SMARCA2: variants seen among roughly 807,000 people sequenced by gnomAD.
SMARCA2 encodes SWI/SNF related BAF chromatin remodeling complex subunit ATPase 2, also known as SWI/SNF-related matrix-associated actin-dependent regulator of chromatin subfamily A member 2.
SMARCA2 carries 61 observed loss-of-function variants against 199.8 expected under a neutral mutation model. The ratio of observed to expected loss-of-function variants is 0.31; its 90% CI spans 0.25 to 0.38. SMARCA2 has a LOEUF of 0.38. SMARCA2 is among the 10% of genes least tolerant of loss of function. The probability of loss-of-function intolerance (pLI) is 1.00; values close to 1 mark genes in which losing one functional copy is unlikely to be tolerated. For synonymous variants in SMARCA2, 935 were observed against 732.0 expected, an observed-to-expected ratio of 1.28 and a Z score of -4.48; for missense variants, 1,344 against 2,012.2, an observed-to-expected ratio of 0.67 and a Z score of 6.35.
At chr9:2,076,808 C>T (rs1332630915) in intron 13 of SMARCA2, among the ~76,000 whole-genome samples, 2 of 152,168 alleles carry the variant, frequency 1.3e-5, no homozygotes, top group Non-Finnish European at 2.9e-5. Flanking sequence ...CGCCCAGTCC[C>T]TGAACCCTCT....
intron 3 of SMARCA2, among the ~76,000 whole-genome samples, chr9:2,034,771 G>A (rs1819248013): frequency 6.6e-6 from 1 of 152,118 alleles, no homozygotes; most frequent in Admixed American, 6.5e-5. Context: ...TATTTGAACA[G>A]GCTTTTGAAC....
Position 2,119,729 on chromosome 9 carries a change from A to C in SMARCA2, c.3762+194A>C, listed in dbSNP as rs7858821. 0.046 allele frequency among the ~76,000 whole-genome samples: 6,972 copies of C among 152,246 alleles called. 515 individuals carry two copies. Among genetic ancestry groups the C allele is most frequent in the African/African-American group, 0.16 (6,604 of 41,512 alleles). On this transcript the variant is annotated intron_variant, in intron 26 of 33. Transcript: ENST00000349721. This position sits in a 1 kb window ranked among gnomAD's most constrained non-coding sequence, Gnocchi z 4.6. ...TTGTTTGGCCCACGCAGCGTTTTTT[A>C]AAATTTCCCATTCATTGCCAACATA...
chr9:2,135,115 A>C (rs1824136996), intron 27 of SMARCA2, among the ~76,000 whole-genome samples: 1 of 152,208 alleles, frequency 6.6e-6, no homozygotes, highest in Admixed American at 6.5e-5. Context: ...AGTCTGAAGG[A>C]CTGAGAACCA....
At chr9:2,125,992 A>G (rs1823675368) in intron 27 of SMARCA2, among the ~76,000 whole-genome samples, 1 of 152,192 alleles carries the variant, frequency 6.6e-6, no homozygotes, top group Non-Finnish European at 1.5e-5. Flanking sequence ...TTTTTCATTC[A>G]GTTTCTATCC....
At chr9:2,037,992 AT>A (rs1382575385) in intron 3 of SMARCA2, among the ~76,000 whole-genome samples, 2 of 152,008 alleles carry the variant, frequency 1.3e-5, no homozygotes, top group Non-Finnish European at 2.9e-5. Context: ...GTGCATTTTG[AT>A]TTTTCTTCCC....
At chr9:2,182,928 T>C (rs943640479) in intron 31 of SMARCA2, among the ~76,000 whole-genome samples, 5 of 152,116 alleles carry the variant, frequency 3.3e-5, no homozygotes, top group Non-Finnish European at 7.4e-5. Context: ...GTAGCTGGGA[T>C]TACAGGCATG....
intron 27 of SMARCA2, among the ~76,000 whole-genome samples, chr9:2,132,725 C>G (rs928045352): frequency 1.3e-5 from 2 of 152,138 alleles, no homozygotes; most frequent in Non-Finnish European, 2.9e-5. Flanking sequence ...TGGGTTTTGC[C>G]AAATTCCAAG....
intron 31 of SMARCA2, among the ~76,000 whole-genome samples, chr9:2,183,328 A>G (rs557899548): frequency 1.8e-4 from 28 of 152,342 alleles, no homozygotes; most frequent in African/African-American, 5.8e-4. Flanking sequence ...TTATCAGCCC[A>G]ATTGCAATTC....
At chr9:2,080,099 A>G (rs192254149) in intron 14 of SMARCA2, 4 of 152,292 alleles carry the variant, frequency 2.6e-5, no homozygotes, top group African/African-American at 7.2e-5. Flanking sequence ...TTCCCTGATC[A>G]TTTCTCATAA....
intron 9 of SMARCA2, among the ~76,000 whole-genome samples, chr9:2,064,980 C>A (rs768614908): frequency 2.6e-5 from 4 of 152,248 alleles, no homozygotes; most frequent in South Asian, 4.1e-4. Flanking sequence ...GTCAGGAGAT[C>A]GAGACCATCC....
chr9:2,019,673 A>G (rs1818519737), intron 1 of SMARCA2, among the ~76,000 whole-genome samples: 1 of 152,204 alleles, frequency 6.6e-6, no homozygotes, highest in African/African-American at 2.4e-5. Flanking sequence ...ATAAAAGCAT[A>G]TCACATCCTT....
intron 21 of SMARCA2, among the ~76,000 whole-genome samples, chr9:2,098,478 G>A (rs1822365678): frequency 6.6e-6 from 1 of 152,108 alleles, no homozygotes; most frequent in Non-Finnish European, 1.5e-5. Flanking sequence ...CTGGATAATT[G>A]GAAAGATTTC....
intron 29 of SMARCA2, among the ~76,000 whole-genome samples, chr9:2,171,382 G>A (rs755979040): frequency 6.6e-5 from 10 of 152,242 alleles, no homozygotes; most frequent in East Asian, 3.9e-4. Context: ...AGGATGTATC[G>A]TGTATTTCAG....
chr9:2,189,887 T>A (rs1827758324), intron 32 of SMARCA2, among the ~76,000 whole-genome samples: 2 of 147,506 alleles, frequency 1.4e-5, no homozygotes, highest in Non-Finnish European at 2.9e-5. Flanking sequence ...TCCCTCTACT[T>A]CACAAAAGAA....
At chr9:2,137,830 TGCA>T (rs1824275185) in intron 27 of SMARCA2, among the ~76,000 whole-genome samples, 1 of 152,216 alleles carries the variant, frequency 6.6e-6, no homozygotes, top group Non-Finnish European at 1.5e-5. Context: ...GGGATTTGGT[TGCA>T]GCCCCATATC....
chr9:2,094,262 G>C (rs1184278501), intron 19 of SMARCA2, among the ~76,000 whole-genome samples: 1 of 152,220 alleles, frequency 6.6e-6, no homozygotes, highest in Non-Finnish European at 1.5e-5. Context: ...TGTGAGGAAA[G>C]AGACTCTGCC....
chr9:2,067,056 A>G (rs1820874257), intron 9 of SMARCA2, among the ~76,000 whole-genome samples: 1 of 152,226 alleles, frequency 6.6e-6, no homozygotes, highest in Non-Finnish European at 1.5e-5. Flanking sequence ...AGGAGTTGAT[A>G]TCTCTTGTCA....
intron 27 of SMARCA2, among the ~76,000 whole-genome samples, chr9:2,137,778 G>C (rs28671361): frequency 0.16 from 24,166 of 152,118 alleles, 3,874 homozygotes; most frequent in African/African-American, 0.42. Flanking sequence ...CTTTAAATAG[G>C]TGTGGATAAG....
At chr9:2,168,525 C>T (rs997593626) in intron 28 of SMARCA2, among the ~76,000 whole-genome samples, 2 of 152,132 alleles carry the variant, frequency 1.3e-5, no homozygotes, top group Non-Finnish European at 2.9e-5. Flanking sequence ...TTGCCTTGTT[C>T]CAAGGCTTCC....
Sources: allele counts gnomAD v4.1 joint callset (sites outside exome capture counted in the v4.1 genomes callset), GRCh38; gene constraint gnomAD v4.1.1; non-coding constraint Gnocchi (gnomAD v3.1); transcripts MANE v1.5; gene names NCBI Gene and HGNC (gene_info 2026-07-23, HGNC 2026-07-21).